Variants in HS3ST5 observed in about 807,000 individuals in gnomAD.
The protein encoded by HS3ST5 is heparan sulfate glucosamine 3-O-sulfotransferase 5.
A neutral mutation model predicts 25.4 loss-of-function variants in HS3ST5; 10 were observed. The ratio of observed to expected loss-of-function variants is 0.39; its 90% CI spans 0.24 to 0.67. The LOEUF (loss-of-function observed/expected upper bound fraction) is 0.67, where lower values mean the gene tolerates loss of function less well. HS3ST5 is among the 30% of genes least tolerant of loss of function. HS3ST5 has a pLI of 0.44. For missense variants in HS3ST5, 324 were observed against 420.7 expected, an observed-to-expected ratio of 0.77 and a Z score of 2.01; for synonymous variants, 170 against 162.4, an observed-to-expected ratio of 1.05 and a Z score of -0.36.
chr6:114,096,723 G>A (rs142197061), intron 3 of HS3ST5, among the ~76,000 whole-genome samples: 1 of 152,178 alleles, frequency 6.6e-6, no homozygotes, highest in East Asian at 1.9e-4. Flanking sequence ...TTTATTCTTC[G>A]TTTGGAAATT....
In HS3ST5 at chr6:114,317,766, GA is replaced by G; in HGVS notation, c.-339+24428del. On this transcript the variant is annotated intron_variant, in intron 1 of 4. Transcript: ENST00000312719. ...TTCCACAAATGGTCCTAAGGGCCAT[GA>G]AGGAACCATAAGAGTAATGATGGGA... Among the ~76,000 whole-genome samples, 3 of 114,384 alleles carry G rather than the reference GA, an allele frequency of 2.6e-5. No homozygotes were observed. In the East Asian group the frequency reaches 8.9e-4, roughly 34 times the overall value. The allele number at this position is 114,384 out of a possible 152,430, so 75.0% of individuals were successfully genotyped here. A position where few individuals can be genotyped will look rare whatever the true frequency, so the allele number is the denominator to read the frequency against.
intron 2 of HS3ST5, among the ~76,000 whole-genome samples, chr6:114,180,937 T>C (rs1241448868): frequency 6.6e-6 from 1 of 152,234 alleles, no homozygotes; most frequent in Non-Finnish European, 1.5e-5. Flanking sequence ...TTTAATTGCA[T>C]GATTCACTGT....
chr6:114,110,458 G>A (rs1301929215), intron 3 of HS3ST5, among the ~76,000 whole-genome samples: 1 of 152,142 alleles, frequency 6.6e-6, no homozygotes, highest in Non-Finnish European at 1.5e-5. Context: ...GTTCTGTAGG[G>A]ATGAGAAGAG....
Position 114,057,058 on chromosome 6 carries a change from T to C in HS3ST5, c.*199A>G, listed in dbSNP as rs1442426703. 2 of 515,694 alleles carry C rather than the reference T, an allele frequency of 3.9e-6. No homozygotes were observed. Among genetic ancestry groups the C allele is most frequent in the African/African-American group, 3.8e-5 (2 of 52,474 alleles). 31.9% of individuals were successfully genotyped at this position (515,694 alleles called of 1,614,324 possible). On this transcript the variant is annotated 3_prime_UTR_variant, in exon 5 of 5. Transcript: ENST00000312719. Reference sequence around the variant, plus strand: ...GTAAATAGCTTAAAAGATGCGACTATGCAGACAGCAATTTTTTTTTTTTCG... The same window carrying C: ...GTAAATAGCTTAAAAGATGCGACTACGCAGACAGCAATTTTTTTTTTTTCG...
chr6:114,157,992 C>T (rs1004954661), intron 3 of HS3ST5, among the ~76,000 whole-genome samples: 1 of 152,186 alleles, frequency 6.6e-6, no homozygotes, highest in Non-Finnish European at 1.5e-5. Context: ...CTGATTAACT[C>T]CTTTGCATCC....
At chr6:114,100,866 C>G (rs186702407) in intron 3 of HS3ST5, among the ~76,000 whole-genome samples, 2 of 152,286 alleles carry the variant, frequency 1.3e-5, no homozygotes, top group East Asian at 3.9e-4. Flanking sequence ...TAGGTACGAT[C>G]TCACAGTCAA....
chr6:114,264,650 C>T (rs1468018518), intron 1 of HS3ST5, among the ~76,000 whole-genome samples: 1 of 151,898 alleles, frequency 6.6e-6, no homozygotes, highest in Non-Finnish European at 1.5e-5. Context: ...TTTTCATGTT[C>T]ATTCCATTAA....
intron 2 of HS3ST5, among the ~76,000 whole-genome samples, chr6:114,183,207 T>A (rs925905493): frequency 6.6e-6 from 1 of 152,142 alleles, no homozygotes; most frequent in African/African-American, 2.4e-5. Context: ...GCTCCCATAA[T>A]TCTCTCGAGT....
At chr6:114,172,637 A>G (rs2349211) in intron 2 of HS3ST5, among the ~76,000 whole-genome samples, 67,832 of 152,024 alleles carry the variant, frequency 0.45, 15,291 homozygotes, top group African/African-American at 0.48. Flanking sequence ...CTAGGCTAAA[A>G]GATTTTTAAA....
chr6:114,291,836 C>T (rs556773687), intron 1 of HS3ST5, among the ~76,000 whole-genome samples: 13 of 152,268 alleles, frequency 8.5e-5, no homozygotes, highest in African/African-American at 3.1e-4. Context: ...TGCTTTGACA[C>T]AGTCTGCACA....
intron 1 of HS3ST5, among the ~76,000 whole-genome samples, chr6:114,286,457 CATGTT>C (rs1774344279): frequency 1.3e-5 from 2 of 151,522 alleles, no homozygotes; most frequent in Admixed American, 1.3e-4. Context: ...GGGTAGATCT[CATGTT>C]AAGTGTTCTT....
chr6:114,308,756 C>A (rs1048029861), intron 1 of HS3ST5, among the ~76,000 whole-genome samples: 3 of 152,060 alleles, frequency 2.0e-5, no homozygotes, highest in Non-Finnish European at 2.9e-5. Flanking sequence ...AAAACCAGAC[C>A]AGGTAAGGAG....
At chr6:114,159,819 T>C (rs1778856021) in intron 3 of HS3ST5, among the ~76,000 whole-genome samples, 1 of 152,230 alleles carries the variant, frequency 6.6e-6, no homozygotes, top group Admixed American at 6.5e-5. Flanking sequence ...ATCTTAATTC[T>C]GCTAAAACTA....
At chr6:114,181,797 G>A (rs553180286) in intron 2 of HS3ST5, among the ~76,000 whole-genome samples, 1 of 152,226 alleles carries the variant, frequency 6.6e-6, no homozygotes, top group Admixed American at 6.5e-5. Context: ...CCTTTTAAAA[G>A]AGTGCTTTGT....
At chr6:114,083,907 A>G (rs1452227144) in intron 3 of HS3ST5, among the ~76,000 whole-genome samples, 1 of 152,138 alleles carries the variant, frequency 6.6e-6, no homozygotes, top group East Asian at 1.9e-4. Flanking sequence ...ACTGCATTCT[A>G]GTTTGTTTCT....
In HS3ST5 at chr6:114,313,025, G is replaced by GAAAA. The variant is rs5879258; in HGVS notation, c.-339+29166_-339+29169dup. Among the ~76,000 whole-genome samples, 29 of 16,126 alleles carry GAAAA rather than the reference G, an allele frequency of 1.8e-3. 8 individuals are homozygous for GAAAA. Among genetic ancestry groups the GAAAA allele is most frequent in the African/African-American group, 5.4e-3 (23 of 4,284 alleles). The allele number at this position is 16,126 out of a possible 152,430, so 10.6% of individuals were successfully genotyped here. A position where few individuals can be genotyped will look rare whatever the true frequency, so the allele number is the denominator to read the frequency against. On this transcript the variant is annotated intron_variant, in intron 1 of 4. Transcript: ENST00000312719. ...GGTGAGAGAAAGAGACCCTGCATCA[G>GAAAA]AAAAAAAAAAAAAAAAAAAAAAAAA... is the stretch of plus-strand genomic sequence containing the variant.
chr6:114,266,138 G>A (rs1773395989), intron 1 of HS3ST5, among the ~76,000 whole-genome samples: 1 of 152,096 alleles, frequency 6.6e-6, no homozygotes, highest in African/African-American at 2.4e-5. Flanking sequence ...CTCAGTTAAT[G>A]ATACTGTCAA....
chr6:114,331,070 T>G (rs2114915747), intron 1 of HS3ST5, among the ~76,000 whole-genome samples: 1 of 152,342 alleles, frequency 6.6e-6, no homozygotes, highest in Middle Eastern at 3.4e-3. Context: ...ATTTCAATAT[T>G]TTGGAATATT....
chr6:114,282,957 CAG>C (rs1367853831), intron 1 of HS3ST5, among the ~76,000 whole-genome samples: 1 of 151,892 alleles, frequency 6.6e-6, no homozygotes, highest in Non-Finnish European at 1.5e-5. Context: ...CTTTGGTAGT[CAG>C]AGTTCCAGGA....
Sources: allele counts gnomAD v4.1 joint callset (sites outside exome capture counted in the v4.1 genomes callset), GRCh38; gene constraint gnomAD v4.1.1; transcripts MANE v1.5; gene names NCBI Gene and HGNC (gene_info 2026-07-23, HGNC 2026-07-21).